The following TECPR2 variants were observed in gnomAD, a reference collection of about 807,000 sequenced individuals.
TECPR2 encodes the protein tectonin beta-propeller repeat containing 2, also known as tectonin beta-propeller repeat-containing protein 2.
Under a neutral mutation model 138.1 loss-of-function variants are expected in TECPR2, and 65 were observed. The ratio of observed to expected loss-of-function variants is 0.47; its 90% CI spans 0.39 to 0.58. The LOEUF (loss-of-function observed/expected upper bound fraction) is 0.58. Among genes scored for constraint, TECPR2 ranks in the 20% least tolerant of loss-of-function variants. The pLI, the probability that TECPR2 is intolerant of heterozygous loss-of-function variation, is 0.00. For missense variants in TECPR2, 1,553 were observed against 1,824.5 expected (o/e 0.85, Z 2.71); for synonymous variants, 746 against 749.8 (o/e 0.99, Z 0.08).
intron 13 of TECPR2, among the ~76,000 whole-genome samples, chr14:102,448,488 G>A (rs925988921): frequency 2.6e-5 from 4 of 152,146 alleles, no homozygotes; most frequent in African/African-American, 9.7e-5. Context: ...TCTGAGCTAG[G>A]GTTAGAGTCT....
chr14:102,466,051 G>T (rs1161802316), intron 17 of TECPR2, among the ~76,000 whole-genome samples: 1 of 152,176 alleles, frequency 6.6e-6, no homozygotes, highest in Non-Finnish European at 1.5e-5. Context: ...ATGGTTCGTT[G>T]TTGGGCAGAG....
chr14:102,456,431 G>A (rs770436682), intron 16 of TECPR2, among the ~76,000 whole-genome samples: 1 of 152,086 alleles, frequency 6.6e-6, no homozygotes, highest in Non-Finnish European at 1.5e-5. Flanking sequence ...TCCAGGGTTG[G>A]CAGCTTTGTG....
rs544654008 is a variant in TECPR2 at position 102,434,382 on chromosome 14, A to G, written c.1565A>G (p.Glu522Gly). The G allele has an allele frequency of 7.2e-6, 11 of 1,529,000 alleles. No homozygotes were observed. The highest frequency in any genetic ancestry group is 1.3e-5 in the South Asian group (1 of 76,084). 94.7% of individuals were successfully genotyped at this position (1,529,000 alleles called of 1,614,324 possible). ...AGTAGCGTGGATCAGTTAAGTGCAG[A>G]GTCTCCAGACCAGGAAAGCAGCTTC... ...LGSSVDQLSA[E>G]SPDQESSFNG... Residue 522 changes from glutamate (E) to glycine (G), a missense_variant, in exon 9 of 20, where the codon GAG becomes GGG. Glu to Gly is a moderately conservative substitution (Grantham distance 98). Coordinates refer to ENST00000359520, the MANE Select transcript of TECPR2 (RefSeq NM_014844.5).
chr14:102,401,201 G>A (rs927289975), intron 2 of TECPR2, among the ~76,000 whole-genome samples: 4 of 152,210 alleles, frequency 2.6e-5, no homozygotes, highest in Middle Eastern at 6.8e-3. Context: ...CACTTTGGGA[G>A]GCCAAGGTGG....
At chr14:102,367,399 A>G (rs1378115791) in intron 1 of TECPR2, among the ~76,000 whole-genome samples, 1 of 152,184 alleles carries the variant, frequency 6.6e-6, no homozygotes, top group Non-Finnish European at 1.5e-5. Context: ...CGTACCCTTC[A>G]GCAATACACC....
chr14:102,497,409 C>G, intron 18 of TECPR2, 161 bp from the exon 19 acceptor site: 1 of 1,104,336 alleles, frequency 9.1e-7, no homozygotes, highest in Non-Finnish European at 1.2e-6. Flanking sequence ...GCCAACTGGT[C>G]GTCCTTTCCC....
chr14:102,469,691 T>A (rs1890619068), intron 17 of TECPR2, among the ~76,000 whole-genome samples: 1 of 152,168 alleles, frequency 6.6e-6, no homozygotes, highest in African/African-American at 2.4e-5. Context: ...AAATATGATG[T>A]GAGCTTTGTG....
Position 102,434,721 on chromosome 14 carries a change from C to T in TECPR2, c.1904C>T (p.Pro635Leu). 1 of 1,613,800 alleles carries T rather than the reference C, an allele frequency of 6.2e-7. No homozygotes were observed. Among genetic ancestry groups the T allele is most frequent in the Non-Finnish European group, 8.5e-7 (1 of 1,180,018 alleles). Residue 635 changes from proline to leucine, a missense_variant, in exon 9 of 20, where the codon CCC becomes CTC. Physicochemically the swap from Pro to Leu is moderately conservative, Grantham distance 98 (BLOSUM62 -3). Coordinates refer to ENST00000359520, the MANE Select transcript of TECPR2 (RefSeq NM_014844.5). ...HDGEDIQPIG[P>L]QSTFCEVPLL... is the part of the protein sequence containing the mutation. ...GGGGAAGACATCCAACCCATTGGCC[C>T]CCAAAGCACTTTTTGTGAAGTCCCC...
chr14:102,392,042 G>A (rs1888190218), intron 2 of TECPR2, among the ~76,000 whole-genome samples: 1 of 152,132 alleles, frequency 6.6e-6, no homozygotes, highest in Non-Finnish European at 1.5e-5. Context: ...AGGCTGGAGT[G>A]CAATGGTGTG....
chr14:102,380,439 A>G (rs533607979), intron 2 of TECPR2, among the ~76,000 whole-genome samples: 1 of 152,242 alleles, frequency 6.6e-6, no homozygotes, highest in South Asian at 2.1e-4. Context: ...ACAGTTACGC[A>G]TGGCTGCGGA....
At chr14:102,497,515 C>G in intron 18 of TECPR2, 55 bp from the exon 19 acceptor site, 1 of 1,428,838 alleles carries the variant, frequency 7.0e-7, no homozygotes, top group Admixed American at 2.9e-5. Context: ...GCTTGGGAAG[C>G]AGCGGCCCAT....
At chr14:102,459,424 T>C (rs945302856) in intron 16 of TECPR2, among the ~76,000 whole-genome samples, 33 of 152,300 alleles carry the variant, frequency 2.2e-4, no homozygotes, top group East Asian at 1.2e-3. Context: ...AGGAAAATTC[T>C]CATCTCTTGC....
At position 102,449,324 on chromosome 14, in the gene TECPR2, C is replaced by T. The variant is rs888330510; in HGVS notation, c.3076-305C>T. 1.9e-4 allele frequency among the ~76,000 whole-genome samples: 29 copies of T among 152,184 alleles called. 1 individual carries two copies. Among genetic ancestry groups the T allele is most frequent in the African/African-American group, 6.5e-4 (27 of 41,434 alleles). On this transcript the variant is annotated intron_variant, in intron 13 of 19. Coordinates refer to ENST00000359520, the MANE Select transcript of TECPR2 (RefSeq NM_014844.5). ...AAGGGGTGTGAGGGGGTGATAATCA[C>T]AAAAGTAATACATGCTTGTAACAGA...
At chr14:102,434,173 G>A (rs983199044) in intron 8 of TECPR2, 62 bp from the exon 9 acceptor site, 7 of 1,319,814 alleles carry the variant, frequency 5.3e-6, no homozygotes, top group Non-Finnish European at 6.8e-6. Context: ...ATGTGTGCAA[G>A]TTAGTCTCTT....
Position 102,419,793 on chromosome 14 carries a change from G to A in TECPR2, c.638+5000G>A, listed in dbSNP as rs1227058090. 6.6e-6 allele frequency among the ~76,000 whole-genome samples: 1 copy of A among 152,174 alleles called. No individual in the cohort carries two copies. The highest frequency in any genetic ancestry group is 2.4e-5 in the African/African-American group (1 of 41,440). Reference sequence around the variant, plus strand: ...ATGTTGCATTGTTTCATGTGTCAGAGCCCTCTGCAGACCTGTTACTGTGTC... The same window carrying A: ...ATGTTGCATTGTTTCATGTGTCAGAACCCTCTGCAGACCTGTTACTGTGTC... On this transcript the variant is annotated intron_variant, in intron 5 of 19. Transcript: ENST00000359520. This position sits in a 1 kb window ranked among gnomAD's most constrained non-coding sequence, Gnocchi z 4.8.
intron 17 of TECPR2, among the ~76,000 whole-genome samples, chr14:102,483,798 T>TC (rs1890951464): frequency 6.8e-6 from 1 of 146,132 alleles, no homozygotes; most frequent in Non-Finnish European, 1.5e-5. Flanking sequence ...TTTCTTTTTT[T>TC]TTTTTTTTTT....
At chr14:102,435,349 A>G (rs1286725849) in intron 9 of TECPR2, 138 bp downstream of exon 9, 3 of 1,309,736 alleles carry the variant, frequency 2.3e-6, no homozygotes, top group African/African-American at 1.5e-5. Flanking sequence ...TCTGTTTTCA[A>G]GTCTGGGTTT....
rs1187454435 is a variant in TECPR2 at position 102,434,960 on chromosome 14, G to A, written c.2143G>A (p.Glu715Lys). The A allele has an allele frequency of 6.2e-7, 1 of 1,614,132 alleles. No homozygotes were observed. The highest frequency in any genetic ancestry group is 1.7e-5 in the Admixed American group (1 of 60,032). ...DTGQKEIPIS[E>K]RVLGSVGGQL... ...AGGTCAGAAAGAAATACCCATTTCT[G>A]AACGTGTCTTGGGGAGTGTGGGAGG... Residue 715 changes from glutamate to lysine, a missense_variant, in exon 9 of 20, where the codon GAA becomes AAA. Transcript: ENST00000359520.
intron 13 of TECPR2, among the ~76,000 whole-genome samples, chr14:102,447,697 G>A (rs1054477098): frequency 5.9e-5 from 9 of 152,130 alleles, no homozygotes; most frequent in African/African-American, 1.4e-4. Flanking sequence ...ACCAGGCCCA[G>A]CTAATTTGTG....
Sources: allele counts gnomAD v4.1 joint callset (sites outside exome capture counted in the v4.1 genomes callset), GRCh38; gene constraint gnomAD v4.1.1; non-coding constraint Gnocchi (gnomAD v3.1); transcripts MANE v1.5; gene names NCBI Gene and HGNC (gene_info 2026-07-23, HGNC 2026-07-21).